Variants in PSG2 observed in about 807,000 individuals in gnomAD.
PSG2 encodes pregnancy specific beta-1-glycoprotein 2, also known as pregnancy-specific beta-1-glycoprotein 2.
A neutral mutation model predicts 36.2 loss-of-function variants in PSG2; 49 were observed. The ratio of observed to expected loss-of-function variants is 1.35; its 90% CI spans 1.08 to 1.72. The LOEUF is 1.72. PSG2 is among the 40% of genes most tolerant of loss of function. PSG2 has a pLI of 0.00. For synonymous variants in PSG2, 261 were observed against 155.6 expected (o/e 1.68, Z -5.04); for missense variants, 605 against 407.2 (o/e 1.49, Z -4.18).
intron 1 of PSG2, chr19:43,082,105 T>A (rs1599712593): frequency 6.1e-6 from 1 of 165,224 alleles, no homozygotes; most frequent in South Asian, 1.4e-4. Flanking sequence ...TTCTTTCCTT[T>A]TATTTCTTTC....
rs143071276 is a variant in PSG2 at position 43,078,592 on chromosome 19, C to T, written c.430+2289G>A. Among the ~76,000 whole-genome samples, 1,341 of 151,584 alleles carry T rather than the reference C, an allele frequency of 8.8e-3. 23 individuals are homozygous for T. Among genetic ancestry groups the T allele is most frequent in the Non-Finnish European group, 0.014 (974 of 67,908 alleles). On this transcript the variant is annotated intron_variant, in intron 2 of 5. Coordinates refer to ENST00000406487, the MANE Select transcript of PSG2 (RefSeq NM_031246.4). ...CCAGCACAAACTGATCATTTCCCTC[C>T]GCCCGCATGATTCCATCACCAAACA...
At position 43,075,457 on chromosome 19, in the gene PSG2, G is replaced by C. The variant is rs764911669; in HGVS notation, c.606C>G (p.Leu202=). 8 of 1,613,200 alleles carry C rather than the reference G, an allele frequency of 5.0e-6. No individual in the cohort carries two copies. The highest frequency in any genetic ancestry group is 2.2e-5 in the East Asian group (1 of 44,876). The stretch of plus-strand genomic sequence containing the variant: ...TATACTTTGTGACACCAAATAGAAA[G>C]AGGGTCCTGTTGGTTTCGGACAGCT... ...RFQLSETNRT[L]FLFGVTKYTA... is the part of the protein sequence containing the mutation. Residue 202 remains leucine, a synonymous_variant, in exon 3 of 6, where the codon CTC becomes CTG. Coordinates refer to ENST00000406487, the MANE Select transcript of PSG2 (RefSeq NM_031246.4).
chr19:43,068,695 A>T (rs183654115), intron 4 of PSG2, among the ~76,000 whole-genome samples: 1 of 151,698 alleles, frequency 6.6e-6, no homozygotes, highest in Admixed American at 6.6e-5. Context: ...TAAGAAAAAC[A>T]TTGTAAGAAT....
At chr19:43,080,750 A>T in intron 2 of PSG2, 131 bp downstream of exon 2, 1 of 1,566,886 alleles carries the variant, frequency 6.4e-7, no homozygotes, top group Non-Finnish European at 8.8e-7. Flanking sequence ...CCTGCACTAA[A>T]TGCCCAAACC....
chr19:43,072,368 A>T, intron 3 of PSG2: 1 of 1,612,678 alleles, frequency 6.2e-7, no homozygotes, highest in Non-Finnish European at 8.5e-7. Context: ...ATTCAGGGTG[A>T]CTGGGTCACT....
Position 43,066,079 on chromosome 19 carries a change from G to T in PSG2, c.*40+438C>A, listed in dbSNP as rs1260294600. On this transcript the variant is annotated intron_variant, in intron 5 of 5. Transcript: ENST00000406487. Reference sequence around the variant, plus strand: ...AAATAGGCTAGAGTAGACCCCTGCAGATTCTTGATTAAATCAATTAACCAG... The same window carrying T: ...AAATAGGCTAGAGTAGACCCCTGCATATTCTTGATTAAATCAATTAACCAG... Among the ~76,000 whole-genome samples the T allele has an allele frequency of 2.6e-5, 4 of 151,658 alleles. 1 individual carries two copies. The highest frequency in any genetic ancestry group is 9.7e-5 in the African/African-American group (4 of 41,046).
At position 43,075,431 on chromosome 19, in the gene PSG2, G is replaced by T; in HGVS notation, c.632C>A (p.Thr211Asn). The T allele has an allele frequency of 1.2e-6, 2 of 1,613,238 alleles. No individual in the cohort carries two copies. The highest frequency in any genetic ancestry group is 1.1e-5 in the South Asian group (1 of 91,056). ...TLFLFGVTKY[T>N]AGPYECEIRN... is the part of the protein sequence containing the mutation. Reference sequence around the variant, plus strand: ...TATTTCACATTCATAGGGTCCTGCAGTATACTTTGTGACACCAAATAGAAA... The same window carrying T: ...TATTTCACATTCATAGGGTCCTGCATTATACTTTGTGACACCAAATAGAAA... The change falls in exon 3 of 6, where the codon ACT becomes AAT. Residue 211 changes from threonine to asparagine, a missense_variant. Transcript: ENST00000406487.
At chr19:43,074,094 G>A (rs547617256) in intron 3 of PSG2, among the ~76,000 whole-genome samples, 1 of 151,654 alleles carries the variant, frequency 6.6e-6, no homozygotes, top group African/African-American at 2.4e-5. Context: ...TGTGAGAAAG[G>A]CTGATTGCTA....
rs908061712 is a variant in PSG2 at position 43,075,220 on chromosome 19, A to T, written c.709+134T>A. Reference sequence around the variant, plus strand: ...GCCTATTCTGGTTTGCCTGGGGCAGAAAGTCATGGCCAGCTTTGATGCCTA... The same window carrying T: ...GCCTATTCTGGTTTGCCTGGGGCAGTAAGTCATGGCCAGCTTTGATGCCTA... On this transcript the variant is annotated intron_variant, in intron 3 of 5. Transcript: ENST00000406487. 38 of 1,579,534 alleles carry T rather than the reference A, an allele frequency of 2.4e-5. 1 individual carries two copies. Among genetic ancestry groups the T allele is most frequent in the Non-Finnish European group, 3.2e-5 (37 of 1,156,378 alleles).
At chr19:43,080,540 C>A (rs971968362) in intron 2 of PSG2, among the ~76,000 whole-genome samples, 2 of 151,626 alleles carry the variant, frequency 1.3e-5, no homozygotes, top group Admixed American at 1.3e-4. Context: ...CAGGGGACCC[C>A]TCAGGCCAAG....
chr19:43,080,123 G>A (rs1442396823), intron 2 of PSG2, among the ~76,000 whole-genome samples: 5 of 151,790 alleles, frequency 3.3e-5, no homozygotes, highest in South Asian at 2.1e-4. Context: ...AGAAAGCACC[G>A]TTACATCAGA....
rs530441321 is a variant in PSG2, at chr19:43,064,625, C to T, written c.*41-24G>A. 2.8e-4 allele frequency: 173 copies of T among 622,018 alleles called. 2 individuals are homozygous for T. The Middle Eastern group carries it at 3.6e-3, about 13-fold the overall frequency. 38.5% of individuals were successfully genotyped at this position (622,018 alleles called of 1,614,324 possible). ...TCCTTGAAGAAAAAGCAATTTTGGA[C>T]TGTAGGTGATTGTAAGTAGTTTGAG... On this transcript the variant is annotated intron_variant, in intron 5 of 5. Transcript: ENST00000406487.
chr19:43,066,582 A>G lies in PSG2; in HGVS notation c.983T>C (p.Leu328Pro), dbSNP rs1228279134. 1.9e-6 allele frequency: 3 copies of G among 1,601,942 alleles called. No homozygotes were observed. Among genetic ancestry groups the G allele is most frequent in the Non-Finnish European group, 2.6e-6 (3 of 1,169,720 alleles). ...VKVSASTRIG[L>P]LPLLNPT is the part of the protein sequence containing the mutation. ...CTATGTTGGATTAAGGAGAGGAAGA[A>G]GTCCTATTCTTGTAGAAGCTGTCAT... The change falls in exon 5 of 6, where the codon CTT becomes CCT. Residue 328 changes from leucine (L) to proline (P), a missense_variant. Leu to Pro is a moderately conservative substitution (Grantham distance 98). Coordinates refer to ENST00000406487, the MANE Select transcript of PSG2 (RefSeq NM_031246.4).
At chr19:43,076,811 T>G (rs1297068816) in intron 2 of PSG2, among the ~76,000 whole-genome samples, 5 of 141,894 alleles carry the variant, frequency 3.5e-5, no homozygotes, top group Non-Finnish European at 3.0e-5. Context: ...TAAAACAAAG[T>G]GTTTTGGATT....
Position 43,071,862 on chromosome 19 carries a change from G to A in PSG2, c.802C>T (p.Pro268Ser), listed in dbSNP as rs141385747. 6.2e-7 allele frequency: 1 copy of A among 1,613,142 alleles called. No individual in the cohort carries two copies. Among genetic ancestry groups the A allele is most frequent in the Admixed American group, 1.7e-5 (1 of 59,970 alleles). The change falls in exon 4 of 6, where the codon CCG becomes TCG. Residue 268 changes from proline to serine, a missense_variant. Pro to Ser is a moderately conservative substitution (Grantham distance 74). Transcript: ENST00000406487. ...YLSCFANSNP[P>S]AQYSWTINGK... ...TTAATTGTCCAAGAATACTGTGCCG[G>A]TGGGTTAGAGTTCGCGAAGCAAGAC...
chr19:43,070,748 G>A (rs1019213588), intron 4 of PSG2, among the ~76,000 whole-genome samples: 2 of 151,512 alleles, frequency 1.3e-5, no homozygotes, highest in African/African-American at 4.9e-5. Flanking sequence ...TATGGTAAGA[G>A]GAAAAAGTTC....
At chr19:43,076,381 C>T (rs531420046) in intron 2 of PSG2, among the ~76,000 whole-genome samples, 2 of 151,810 alleles carry the variant, frequency 1.3e-5, no homozygotes, top group African/African-American at 4.8e-5. Flanking sequence ...ATGCTCCCTT[C>T]CCCCTGTAGA....
intron 2 of PSG2, among the ~76,000 whole-genome samples, chr19:43,077,965 G>T (rs564556954): frequency 6.6e-6 from 1 of 151,706 alleles, no homozygotes; most frequent in Non-Finnish European, 1.5e-5. Flanking sequence ...GGAAGTGACT[G>T]GAGAATGTGA....
chr19:43,065,740 T>C (rs1248372518), intron 5 of PSG2: 1 of 151,764 alleles, frequency 6.6e-6, no homozygotes, highest in Non-Finnish European at 1.5e-5. Context: ...GAACTGATCA[T>C]CAGGAAAAGA....
Sources: allele counts gnomAD v4.1 joint callset (sites outside exome capture counted in the v4.1 genomes callset), GRCh38; gene constraint gnomAD v4.1.1; transcripts MANE v1.5; gene names NCBI Gene and HGNC (gene_info 2026-07-23, HGNC 2026-07-21).